UBXN2A: variants seen among roughly 807,000 people sequenced by gnomAD.
UBXN2A encodes UBX domain protein 2A.
UBXN2A carries 28 observed loss-of-function variants against 28.4 expected under a neutral mutation model. The observed-to-expected ratio is 0.99, with a 90% CI of 0.73 to 1.35. UBXN2A has a LOEUF of 1.35. Ranked by LOEUF, UBXN2A falls within the 40% of genes most tolerant of loss-of-function variation. UBXN2A has a pLI of 0.00. For missense variants in UBXN2A, 253 were observed against 297.9 expected, an observed-to-expected ratio of 0.85 and a Z score of 1.11; for synonymous variants, 97 against 103.6, an observed-to-expected ratio of 0.94 and a Z score of 0.39.
intron 6 of UBXN2A, among the ~76,000 whole-genome samples, chr2:23,991,715 G>A (rs539542473): frequency 1.3e-4 from 20 of 152,016 alleles, no homozygotes; most frequent in African/African-American, 3.6e-4. Context: ...CAGGTGGTCC[G>A]CTCACCTTGG....
Position 23,958,339 on chromosome 2 carries a change from A to C in UBXN2A, c.25A>C (p.Ser9Arg). The C allele has an allele frequency of 6.2e-7, 1 of 1,605,928 alleles. No homozygotes were observed. ...AATGAAAGACGTAGATAACCTCAAAAGTATAAAAGAAGAATGGTAAGTTAA... is the reference window on the plus strand; with the variant it reads ...AATGAAAGACGTAGATAACCTCAAACGTATAAAAGAAGAATGGTAAGTTAA... MKDVDNLK[S>R]IKEEWVCETG... Residue 9 changes from serine (S) to arginine (R), a missense_variant, in exon 2 of 7, where the codon AGT becomes CGT. Coordinates refer to ENST00000309033, the MANE Select transcript of UBXN2A (RefSeq NM_181713.4).
intron 2 of UBXN2A, among the ~76,000 whole-genome samples, chr2:23,962,316 A>G (rs748098731): frequency 6.6e-6 from 1 of 152,208 alleles, no homozygotes; most frequent in Non-Finnish European, 1.5e-5. Flanking sequence ...GAGAAAGCAA[A>G]CAAAAGAGGC....
chr2:23,932,967 T>C (rs991660196), intron 1 of UBXN2A, among the ~76,000 whole-genome samples: 2 of 152,052 alleles, frequency 1.3e-5, no homozygotes, highest in Admixed American at 6.6e-5. Context: ...TAGCTGGGCA[T>C]GGTGGCACAC....
chr2:23,933,913 A>G (rs955701142), intron 1 of UBXN2A, among the ~76,000 whole-genome samples: 2 of 152,074 alleles, frequency 1.3e-5, no homozygotes, highest in African/African-American at 2.4e-5. Context: ...TCAAGAGGCA[A>G]AATCAGAACT....
chr2:23,985,825 G>A (rs1242154638), intron 6 of UBXN2A, among the ~76,000 whole-genome samples: 1 of 151,902 alleles, frequency 6.6e-6, no homozygotes, highest in Non-Finnish European at 1.5e-5. Flanking sequence ...GTGAGACCTC[G>A]TGTCTACAAA....
intron 6 of UBXN2A, among the ~76,000 whole-genome samples, chr2:23,990,561 G>A (rs1009780757): frequency 6.6e-6 from 1 of 151,164 alleles, no homozygotes. Context: ...ATCACTTGAG[G>A]TCGGAAGTTC....
At chr2:23,956,255 T>A (rs976939149) in intron 1 of UBXN2A, among the ~76,000 whole-genome samples, 14 of 152,134 alleles carry the variant, frequency 9.2e-5, no homozygotes, top group African/African-American at 3.1e-4. Context: ...AGTATTGTTA[T>A]TTTTTTAGAT....
chr2:23,939,953 T>C (rs1309941419), upstream of UBXN2A, among the ~76,000 whole-genome samples: 1 of 151,612 alleles, frequency 6.6e-6, no homozygotes, highest in African/African-American at 2.4e-5. Context: ...CTACTAAAAA[T>C]ACAAAAATTA....
chr2:23,951,116 T>C (rs1171094884), intron 1 of UBXN2A, among the ~76,000 whole-genome samples: 3 of 152,140 alleles, frequency 2.0e-5, no homozygotes, highest in Non-Finnish European at 2.9e-5. Context: ...AACATTTCTT[T>C]GTTGTGAGAA....
At chr2:23,955,852 T>C (rs975215479) in intron 1 of UBXN2A, among the ~76,000 whole-genome samples, 2 of 152,248 alleles carry the variant, frequency 1.3e-5, no homozygotes, top group African/African-American at 4.8e-5. Context: ...GTATTTGGAA[T>C]GTATTTTGGT....
intron 3 of UBXN2A, among the ~76,000 whole-genome samples, chr2:23,975,212 A>G (rs1420947928): frequency 8.5e-5 from 13 of 152,208 alleles, no homozygotes; most frequent in African/African-American, 3.1e-4. Context: ...CACATATACT[A>G]AAAGACTTTA....
At chr2:23,941,526 T>C (rs1266403815) in intron 1 of UBXN2A, among the ~76,000 whole-genome samples, 1 of 152,188 alleles carries the variant, frequency 6.6e-6, no homozygotes, top group Non-Finnish European at 1.5e-5. Flanking sequence ...ACTAATGATA[T>C]GAGGCTGACT....
intron 1 of UBXN2A, among the ~76,000 whole-genome samples, chr2:23,956,578 C>G (rs891004328): frequency 6.6e-6 from 1 of 152,064 alleles, no homozygotes; most frequent in Non-Finnish European, 1.5e-5. Context: ...GTCTTGAACT[C>G]CTGACCTCAG....
intron 1 of UBXN2A, among the ~76,000 whole-genome samples, chr2:23,930,718 A>T (rs1051304491): frequency 1.3e-5 from 2 of 152,176 alleles, no homozygotes; most frequent in Non-Finnish European, 2.9e-5. Flanking sequence ...ATAAAATTTT[A>T]AAAAAGAGAA....
chr2:23,962,651 G>C (rs562366247), intron 2 of UBXN2A, among the ~76,000 whole-genome samples: 334 of 144,848 alleles, frequency 2.3e-3, no homozygotes, highest in African/African-American at 8.3e-3. Flanking sequence ...TGTTGCCCAG[G>C]CTGGAGTGCA....
At chr2:23,952,329 T>A (rs1338916403) in intron 1 of UBXN2A, among the ~76,000 whole-genome samples, 1 of 152,136 alleles carries the variant, frequency 6.6e-6, no homozygotes, top group Non-Finnish European at 1.5e-5. Context: ...AGTAGAATGA[T>A]CACAGGTCGC....
chr2:23,943,939 G>T, intron 1 of UBXN2A: 1 of 429,976 alleles, frequency 2.3e-6, no homozygotes. Context: ...GTTCCTTTGG[G>T]AATCATGGCC....
At chr2:23,957,110 T>A (rs1706665244) in intron 1 of UBXN2A, among the ~76,000 whole-genome samples, 1 of 151,622 alleles carries the variant, frequency 6.6e-6, no homozygotes. Context: ...GTTTTTCTTA[T>A]TTTTTTTTCC....
In UBXN2A at chr2:24,000,115, A is replaced by G. The variant is rs577603833; in HGVS notation, c.*248A>G. ...ATAGACTTATTTTCAAATACCAGTTATCAAGATATATTAAATAGCTGTATT... is the reference window on the plus strand; with the variant it reads ...ATAGACTTATTTTCAAATACCAGTTGTCAAGATATATTAAATAGCTGTATT... On this transcript the variant is annotated 3_prime_UTR_variant, in exon 7 of 7. Coordinates refer to ENST00000309033, the MANE Select transcript of UBXN2A (RefSeq NM_181713.4). 4.7e-5 allele frequency: 21 copies of G among 446,278 alleles called. No individual in the cohort carries two copies. The highest frequency in any genetic ancestry group is 1.5e-4 in the East Asian group (4 of 26,574). 27.6% of individuals were successfully genotyped at this position (446,278 alleles called of 1,614,324 possible).
Sources: gnomAD v4.1 joint callset for allele counts (sites outside exome capture counted in the v4.1 genomes callset) on GRCh38, gnomAD v4.1.1 for gene constraint, MANE v1.5 for transcripts, NCBI Gene and HGNC (gene_info 2026-07-23, HGNC 2026-07-21) for gene names.